The following IGF2BP3 variants were observed in gnomAD, a reference collection of about 807,000 sequenced individuals.
The protein encoded by IGF2BP3 is insulin like growth factor 2 mRNA binding protein 3.
Under a neutral mutation model 73.8 loss-of-function variants are expected in IGF2BP3, and 9 were observed. The ratio of observed to expected loss-of-function variants is 0.12; its 90% CI spans 0.07 to 0.21. IGF2BP3 has a LOEUF of 0.21. Ranked by LOEUF, IGF2BP3 falls within the 10% of genes least tolerant of loss-of-function variation. The pLI is 1.00. For missense variants in IGF2BP3, 542 were observed against 714.0 expected (o/e 0.76, Z 2.75); for synonymous variants, 258 against 256.7 (o/e 1.01, Z -0.05).
chr7:23,329,704 T>C (rs1038034488), intron 10 of IGF2BP3, among the ~76,000 whole-genome samples: 7 of 152,134 alleles, frequency 4.6e-5, no homozygotes, highest in African/African-American at 9.7e-5. Context: ...AAAAATAACT[T>C]TGACAAGGGT....
intron 10 of IGF2BP3, among the ~76,000 whole-genome samples, chr7:23,320,239 T>C (rs569412986): frequency 6.6e-6 from 1 of 152,204 alleles, no homozygotes; most frequent in Non-Finnish European, 1.5e-5. Flanking sequence ...ATGAAAAAAT[T>C]AGAAAATATT....
chr7:23,443,906 G>A (rs766168404), intron 2 of IGF2BP3, among the ~76,000 whole-genome samples: 18 of 152,088 alleles, frequency 1.2e-4, no homozygotes, highest in Non-Finnish European at 2.6e-4. Flanking sequence ...CTACTCAGGA[G>A]GCTGAGGCAG....
At chr7:23,352,786 G>C (rs1262219742) in intron 5 of IGF2BP3, among the ~76,000 whole-genome samples, 1 of 152,036 alleles carries the variant, frequency 6.6e-6, no homozygotes, top group Non-Finnish European at 1.5e-5. Flanking sequence ...TAATACCATA[G>C]ATTAATTCTG....
Position 23,313,673 on chromosome 7 carries a change from C to T in IGF2BP3, c.1396-20G>A. On this transcript the variant is annotated intron_variant, in intron 12 of 14. Coordinates refer to ENST00000258729, the MANE Select transcript of IGF2BP3 (RefSeq NM_006547.3). The stretch of plus-strand genomic sequence containing the variant: ...CTGAGCCTGCAGATGAAAACACATC[C>T]TATTAGTGTCATTCATGTATGAAAT... The T allele has an allele frequency of 6.2e-7, 1 of 1,606,912 alleles. No homozygotes were observed. Among genetic ancestry groups the T allele is most frequent in the Non-Finnish European group, 8.5e-7 (1 of 1,177,854 alleles).
intron 2 of IGF2BP3, among the ~76,000 whole-genome samples, chr7:23,427,035 C>T (rs1356259758): frequency 6.6e-6 from 1 of 152,212 alleles, no homozygotes; most frequent in Non-Finnish European, 1.5e-5. Context: ...ATCACATCAC[C>T]TGACTCATCG....
intron 10 of IGF2BP3, among the ~76,000 whole-genome samples, chr7:23,339,476 A>G (rs1411349829): frequency 6.6e-6 from 1 of 152,226 alleles, no homozygotes; most frequent in Non-Finnish European, 1.5e-5. Context: ...TTATCTACAT[A>G]TTTTAAAAAT....
In IGF2BP3 at chr7:23,388,881, G is replaced by T. The variant is rs191362027; in HGVS notation, c.286-27140C>A. Among the ~76,000 whole-genome samples, 7 of 152,164 alleles carry T rather than the reference G, an allele frequency of 4.6e-5. 1 individual carries two copies. The highest frequency in any genetic ancestry group is 2.6e-4 in the Admixed American group (4 of 15,268). On this transcript the variant is annotated intron_variant, in intron 3 of 14. Transcript: ENST00000258729. ...CTTTACCTGTAGTAGTTAAAAACTGGAAACAGCCCAAATGTTCAACAGGTA... is the reference window on the plus strand; with the variant it reads ...CTTTACCTGTAGTAGTTAAAAACTGTAAACAGCCCAAATGTTCAACAGGTA...
intron 2 of IGF2BP3, among the ~76,000 whole-genome samples, chr7:23,442,012 A>G (rs1420398712): frequency 6.6e-6 from 1 of 152,094 alleles, no homozygotes; most frequent in African/African-American, 2.4e-5. Context: ...CTGTAATCCC[A>G]CCTACTCGGG....
intron 3 of IGF2BP3, among the ~76,000 whole-genome samples, chr7:23,363,251 TTC>T (rs1785277775): frequency 6.6e-6 from 1 of 152,070 alleles, no homozygotes; most frequent in Non-Finnish European, 1.5e-5. Flanking sequence ...TGGGGTGAGC[TTC>T]TGTTTTTAGT....
intron 3 of IGF2BP3, among the ~76,000 whole-genome samples, chr7:23,405,485 A>T (rs1269537151): frequency 1.3e-5 from 2 of 152,186 alleles, no homozygotes; most frequent in African/African-American, 2.4e-5. Flanking sequence ...GTGGATACAG[A>T]CAGATCTTAG....
At chr7:23,362,408 G>A (rs1037503481) in intron 3 of IGF2BP3, 1 of 152,204 alleles carries the variant, frequency 6.6e-6, no homozygotes, top group Non-Finnish European at 1.5e-5. Flanking sequence ...TACTCTACCT[G>A]GAGTGGAATT....
chr7:23,350,096 G>A (rs1784923228), intron 6 of IGF2BP3, among the ~76,000 whole-genome samples: 1 of 152,180 alleles, frequency 6.6e-6, no homozygotes, highest in Non-Finnish European at 1.5e-5. Flanking sequence ...GAGCAGGTGG[G>A]TATGGACCAC....
At chr7:23,434,624 CCTAGGTAA>C in intron 2 of IGF2BP3, among the ~76,000 whole-genome samples, 1 of 152,326 alleles carries the variant, frequency 6.6e-6, no homozygotes, top group African/African-American at 2.4e-5. Context: ...CATTCCTCAT[CCTAGGTAA>C]CTCAACTCTT....
At chr7:23,430,657 C>T (rs1364009630) in intron 2 of IGF2BP3, among the ~76,000 whole-genome samples, 1 of 152,178 alleles carries the variant, frequency 6.6e-6, no homozygotes, top group Non-Finnish European at 1.5e-5. Context: ...AAAAGGTCAA[C>T]CTCAATTTTC....
rs570829351 is a variant in IGF2BP3, at chr7:23,441,551, G to A, written c.237-22727C>T. Among the ~76,000 whole-genome samples, 289 of 125,418 alleles carry A rather than the reference G, an allele frequency of 2.3e-3. 2 individuals are homozygous for A. Among genetic ancestry groups the A allele is most frequent in the Admixed American group, 0.014 (148 of 10,300 alleles). The allele number at this position is 125,418 out of a possible 152,430, so 82.3% of individuals were successfully genotyped here. A position where few individuals can be genotyped will look rare whatever the true frequency, so the allele number is the denominator to read the frequency against. On this transcript the variant is annotated intron_variant, in intron 2 of 14. Transcript: ENST00000258729. ...TCGTGCCACTGCACTCCAGCCTGGG[G>A]ACAAGAGTGAGACTCCATCTCTTAA... is the stretch of plus-strand genomic sequence containing the variant.
intron 3 of IGF2BP3, chr7:23,402,140 T>C (rs938884563): frequency 6.6e-6 from 1 of 152,094 alleles, no homozygotes; most frequent in African/African-American, 2.4e-5. Context: ...AACAAAGAAA[T>C]GCAGTCTAAG....
chr7:23,379,702 A>G (rs1239336743), intron 3 of IGF2BP3, among the ~76,000 whole-genome samples: 1 of 152,038 alleles, frequency 6.6e-6, no homozygotes, highest in Non-Finnish European at 1.5e-5. Context: ...ACAAAACAAA[A>G]TCTCAATTTT....
rs142450586 is a variant in IGF2BP3, at chr7:23,385,847, C to T, written c.286-24106G>A. Among the ~76,000 whole-genome samples, 653 of 152,210 alleles carry T rather than the reference C, an allele frequency of 4.3e-3. 4 individuals are homozygous for T. Among genetic ancestry groups the T allele is most frequent in the African/African-American group, 0.014 (593 of 41,516 alleles). On this transcript the variant is annotated intron_variant, in intron 3 of 14. Transcript: ENST00000258729. ...TCTGCTTCCCAAAGTGCTGGGATTA[C>T]AGGCATGAGCCACCACATCCAGCCT...
At chr7:23,374,152 C>G (rs1401549286) in intron 3 of IGF2BP3, among the ~76,000 whole-genome samples, 2 of 152,128 alleles carry the variant, frequency 1.3e-5, no homozygotes, top group Non-Finnish European at 2.9e-5. Flanking sequence ...CACAGGGACT[C>G]AAAGAAGTAC....
Sources: gnomAD v4.1 joint callset for allele counts (sites outside exome capture counted in the v4.1 genomes callset) on GRCh38, gnomAD v4.1.1 for gene constraint, MANE v1.5 for transcripts, NCBI Gene and HGNC (gene_info 2026-07-23, HGNC 2026-07-21) for gene names.